The following NLGN1 variants were observed in gnomAD, a reference collection of about 807,000 sequenced individuals.
NLGN1 encodes neuroligin-1.
A neutral mutation model predicts 65.5 loss-of-function variants in NLGN1; 12 were observed. That is an observed-to-expected ratio of 0.18 (90% CI 0.12 to 0.30). NLGN1 has a LOEUF of 0.30. Among genes scored for constraint, NLGN1 ranks in the 10% least tolerant of loss-of-function variants. The pLI, the probability that NLGN1 is intolerant of heterozygous loss-of-function variation, is 1.00. For missense variants in NLGN1, 750 were observed against 1,007.1 expected, an observed-to-expected ratio of 0.74 and a Z score of 3.46; for synonymous variants, 350 against 359.5, an observed-to-expected ratio of 0.97 and a Z score of 0.30.
chr3:173,633,869 C>G (rs1411137861), intron 3 of NLGN1, among the ~76,000 whole-genome samples: 1 of 152,082 alleles, frequency 6.6e-6, no homozygotes. Context: ...TTCCATAACC[C>G]TTTCTGATCC....
chr3:174,082,877 C>G (rs59411708), intron 4 of NLGN1, among the ~76,000 whole-genome samples: 26,588 of 151,706 alleles, frequency 0.18, 3,066 homozygotes, highest in African/African-American at 0.33. Context: ...TGCACCACCA[C>G]GCCCGGCTAA....
intron 5 of NLGN1, among the ~76,000 whole-genome samples, chr3:174,278,559 G>T (rs1370013777): frequency 2.0e-5 from 3 of 151,828 alleles, no homozygotes; most frequent in African/African-American, 7.2e-5. Flanking sequence ...CACACTCATT[G>T]AAGAACATAT....
At chr3:173,887,231 A>G (rs1383801990) in intron 4 of NLGN1, among the ~76,000 whole-genome samples, 3 of 152,038 alleles carry the variant, frequency 2.0e-5, no homozygotes, top group Non-Finnish European at 2.9e-5. Context: ...GGATTTGATC[A>G]CAGTAAAAAT....
intron 3 of NLGN1, among the ~76,000 whole-genome samples, chr3:173,769,023 C>G (rs1399421276): frequency 2.6e-5 from 4 of 152,134 alleles, no homozygotes; most frequent in Non-Finnish European, 5.9e-5. Flanking sequence ...ACCCTATCAG[C>G]CTCCCAAACT....
intron 4 of NLGN1, among the ~76,000 whole-genome samples, chr3:173,997,002 A>G (rs189664504): frequency 6.6e-6 from 1 of 152,270 alleles, no homozygotes; most frequent in African/African-American, 2.4e-5. Flanking sequence ...GGTTTGTGAC[A>G]TATTAGTGAG....
At chr3:173,936,934 G>C (rs546096460) in intron 4 of NLGN1, among the ~76,000 whole-genome samples, 16 of 152,100 alleles carry the variant, frequency 1.1e-4, no homozygotes, top group Admixed American at 4.6e-4. Context: ...AATAAAACAG[G>C]CTTCTTCCTT....
At chr3:173,527,817 C>T (rs1735906328) in intron 2 of NLGN1, among the ~76,000 whole-genome samples, 1 of 152,118 alleles carries the variant, frequency 6.6e-6, no homozygotes, top group Admixed American at 6.5e-5. Flanking sequence ...CTGTAGGTGT[C>T]TTTAGGCATT....
chr3:174,191,943 A>G (rs1732464215), intron 4 of NLGN1, among the ~76,000 whole-genome samples: 1 of 152,154 alleles, frequency 6.6e-6, no homozygotes, highest in Non-Finnish European at 1.5e-5. Flanking sequence ...GGTCAGCTAG[A>G]ACTTCTAGTC....
At chr3:173,730,981 TG>T (rs749956060) in intron 3 of NLGN1, among the ~76,000 whole-genome samples, 21 of 152,222 alleles carry the variant, frequency 1.4e-4, no homozygotes, top group Non-Finnish European at 2.5e-4. Context: ...GGCCATGATA[TG>T]TGCCTTGAGA....
chr3:174,242,635 T>C (rs1195798436), intron 4 of NLGN1, among the ~76,000 whole-genome samples: 3 of 151,700 alleles, frequency 2.0e-5, no homozygotes, highest in African/African-American at 7.3e-5. Context: ...TCTGTCACTG[T>C]CTCCCATCTC....
At chr3:173,492,897 G>T (rs2149019972) in intron 2 of NLGN1, among the ~76,000 whole-genome samples, 1 of 151,744 alleles carries the variant, frequency 6.6e-6, no homozygotes, top group Admixed American at 6.6e-5. Flanking sequence ...GTTCTAACTT[G>T]GGAAATATTA....
rs758424717 is a variant in NLGN1, at chr3:173,906,520, A to G, written c.646+98688A>G. On this transcript the variant is annotated intron_variant, in intron 4 of 6. Coordinates refer to ENST00000457714, the Ensembl canonical transcript of NLGN1. ...CCAGAGTAGCACTGTGCTGCCGTCT[A>G]TCTAATCAACCCATCACATTTTTGT... 4.6e-5 allele frequency among the ~76,000 whole-genome samples: 7 copies of G among 152,314 alleles called. No homozygotes were observed. In the Middle Eastern group the frequency reaches 0.014, roughly 296 times the overall value.
chr3:173,409,849 C>T (rs1296325176), intron 1 of NLGN1, among the ~76,000 whole-genome samples: 1 of 152,112 alleles, frequency 6.6e-6, no homozygotes, highest in East Asian at 1.9e-4. Flanking sequence ...TCAGTTTAAA[C>T]CAAGATCATT....
intron 4 of NLGN1, among the ~76,000 whole-genome samples, chr3:173,957,210 A>AT (rs1462006204): frequency 1.3e-5 from 2 of 152,108 alleles, no homozygotes; most frequent in African/African-American, 4.8e-5. Flanking sequence ...ATTTGCCTGG[A>AT]TAAGTTGTTT....
At chr3:173,838,301 C>T (rs1404654691) in intron 4 of NLGN1, among the ~76,000 whole-genome samples, 1 of 151,774 alleles carries the variant, frequency 6.6e-6, no homozygotes, top group Non-Finnish European at 1.5e-5. Flanking sequence ...AAGAGGATAG[C>T]CTTATAAAAT....
chr3:173,451,081 C>G (rs895812198), intron 2 of NLGN1, among the ~76,000 whole-genome samples: 4 of 152,238 alleles, frequency 2.6e-5, no homozygotes, highest in Non-Finnish European at 5.9e-5. Flanking sequence ...CATTCTCCGT[C>G]TAGCTTTGTT....
At position 174,069,771 on chromosome 3, in the gene NLGN1, AG is replaced by A. The variant is rs200242036; in HGVS notation, c.647-205543del. Among the ~76,000 whole-genome samples, 224 of 152,298 alleles carry A rather than the reference AG, an allele frequency of 1.5e-3. 2 individuals carry two copies. The East Asian group carries it at 0.033, about 22-fold the overall frequency. Reference sequence around the variant, plus strand: ...CAGATAAGTACCAGGAAAATAATTCAGTCTTCAATTTTGATATTATTTCTGG... The same window carrying A: ...CAGATAAGTACCAGGAAAATAATTCATCTTCAATTTTGATATTATTTCTGG... On this transcript the variant is annotated intron_variant, in intron 4 of 6. Coordinates refer to ENST00000457714, the Ensembl canonical transcript of NLGN1.
chr3:174,265,763 C>CTATATATATATATATATGTATATATA (rs1747989658), intron 4 of NLGN1, among the ~76,000 whole-genome samples: 1 of 125,666 alleles, frequency 8.0e-6, no homozygotes, highest in Non-Finnish European at 1.6e-5. Flanking sequence ...ACTAAGAAGG[C>CTATATATATATATATATGTATATATA]TATATATATA....
chr3:173,485,116 CAA>C (rs58463042), intron 2 of NLGN1, among the ~76,000 whole-genome samples: 570 of 52,890 alleles, frequency 0.011, 3 homozygotes, highest in African/African-American at 0.035. Context: ...TGGCAGCAGG[CAA>C]AAAAAAAAAA....
Sources: gnomAD v4.1 joint callset for allele counts (sites outside exome capture counted in the v4.1 genomes callset) on GRCh38, gnomAD v4.1.1 for gene constraint, MANE v1.5 for transcripts, NCBI Gene and HGNC (gene_info 2026-07-23, HGNC 2026-07-21) for gene names.